Variants in NSMF observed in about 807,000 individuals in gnomAD.
NSMF encodes the protein nasal embryonic LHRH factor.
Under a neutral mutation model 71.0 loss-of-function variants are expected in NSMF, and 31 were observed. The ratio of observed to expected loss-of-function variants is 0.44; its 90% CI spans 0.33 to 0.59. NSMF has a LOEUF of 0.59. Among genes scored for constraint, NSMF ranks in the 20% least tolerant of loss-of-function variants. The pLI is 0.04. For synonymous variants in NSMF, 345 were observed against 287.1 expected, an observed-to-expected ratio of 1.20 and a Z score of -2.04; for missense variants, 673 against 740.5, an observed-to-expected ratio of 0.91 and a Z score of 1.06.
In NSMF at chr9:137,456,555, G is replaced by A; in HGVS notation, c.629-69C>T. On this transcript the variant is annotated intron_variant, in intron 3 of 15. Transcript: ENST00000371475. ...TCCTGAAGCCTCTCCCTCCCTGTTG[G>A]GAAGCAGATGCTTCTGGGTCCAGGG... is the stretch of plus-strand genomic sequence containing the variant. The A allele has an allele frequency of 5.5e-6, 6 of 1,092,768 alleles. No homozygotes were observed. The Middle Eastern group carries it at 6.0e-4, about 109-fold the overall frequency. The allele number at this position is 1,092,768 out of a possible 1,614,324, so 67.7% of individuals were successfully genotyped here.
At chr9:137,456,539 C>T in intron 3 of NSMF, 53 bp from the exon 4 acceptor site, 1 of 1,234,652 alleles carries the variant, frequency 8.1e-7, no homozygotes, top group African/African-American at 1.5e-5. Context: ...TTCCTGAAGC[C>T]TCTCCCTCCC....
rs1830828934 is a variant in NSMF at position 137,456,254 on chromosome 9, C to G, written c.704+157G>C. 2.4e-5 allele frequency: 18 copies of G among 742,772 alleles called. No homozygotes were observed. The South Asian group carries it at 2.5e-4, about 10-fold the overall frequency. 46.0% of individuals were successfully genotyped at this position (742,772 alleles called of 1,614,324 possible). A position where few individuals can be genotyped will look rare whatever the true frequency, so the allele number is the denominator to read the frequency against. The stretch of plus-strand genomic sequence containing the variant: ...GCCATGGGAGGGGAAGAGCAGTCAG[C>G]CCTGGCCTCCCTGGCAGGCCTGGCA... On this transcript the variant is annotated intron_variant, in intron 4 of 15. Transcript: ENST00000371475.
At chr9:137,452,627 G>T in intron 10 of NSMF, 41 bp from the exon 11 acceptor site, 1 of 1,612,126 alleles carries the variant, frequency 6.2e-7, no homozygotes, top group Non-Finnish European at 8.5e-7. Context: ...TCAAGGCTGC[G>T]TCAGAGCCAG....
chr9:137,452,566 G>A lies in NSMF; in HGVS notation c.1152C>T (p.Phe384=), dbSNP rs1232476748. The change falls in exon 11 of 16, where the codon TTC becomes TTT. Residue 384 remains phenylalanine (F), a synonymous_variant. Transcript: ENST00000371475. The part of the protein sequence containing the change: ...PILYDHEHAT[F]EDILEEIERK... Reference sequence around the variant, plus strand: ...TGAGGCACATACCAAGGATGTCCTCGAAGGTTGCGTGCTCATGGTCCTGGG... The same window carrying A: ...TGAGGCACATACCAAGGATGTCCTCAAAGGTTGCGTGCTCATGGTCCTGGG... 1.9e-6 allele frequency: 3 copies of A among 1,612,540 alleles called. No individual in the cohort carries two copies. Among genetic ancestry groups the A allele is most frequent in the Non-Finnish European group, 2.5e-6 (3 of 1,179,972 alleles).
intron 1 of NSMF, 123 bp downstream of exon 1, chr9:137,458,909 G>C: frequency 1.4e-6 from 1 of 736,854 alleles, no homozygotes; most frequent in Non-Finnish European, 2.0e-6. Flanking sequence ...GGGGCGCGGG[G>C]AGGGCGCCTC....
chr9:137,453,651 C>A lies in NSMF; in HGVS notation c.922+80G>T, dbSNP rs879107149. On this transcript the variant is annotated intron_variant, in intron 8 of 15. Transcript: ENST00000371475. The surrounding 1 kb of genome is among the most constrained non-coding windows in gnomAD (Gnocchi z 4.5). ...AGTGCAAAAGCGCAGCCCAGCGGCC[C>A]TGGCAGGGGACCCCCAGCAGGGGTC... is the stretch of plus-strand genomic sequence containing the variant. The A allele has an allele frequency of 3.8e-5, 44 of 1,162,770 alleles. No individual in the cohort carries two copies. The South Asian group carries it at 5.6e-4, about 15-fold the overall frequency. 72.0% of individuals were successfully genotyped at this position (1,162,770 alleles called of 1,614,324 possible). A position where few individuals can be genotyped will look rare whatever the true frequency, so the allele number is the denominator to read the frequency against.
chr9:137,458,669 G>T, intron 1 of NSMF, 120 bp from the exon 2 acceptor site: 1 of 1,006,264 alleles, frequency 9.9e-7, no homozygotes, highest in Non-Finnish European at 1.5e-6. Flanking sequence ...GGAGGGTCGG[G>T]GTCGTCCCCC....
In NSMF at chr9:137,449,158, G is replaced by GCATC. The variant is rs1839766010; in HGVS notation, c.*232_*235dup. The stretch of plus-strand genomic sequence containing the variant: ...TGGCAGGTCAGTGCCTGGCCGCTGA[G>GCATC]CATCCACGGGCCACAGGGCGGGATC... On this transcript the variant is annotated 3_prime_UTR_variant, in exon 16 of 16. Coordinates refer to ENST00000371475, the MANE Select transcript of NSMF (RefSeq NM_001130969.3). 7 of 589,682 alleles carry GCATC rather than the reference G, an allele frequency of 1.2e-5. No individual in the cohort carries two copies. The highest frequency in any genetic ancestry group is 3.7e-5 in the African/African-American group (2 of 53,616). The allele number at this position is 589,682 out of a possible 1,614,324, so 36.5% of individuals were successfully genotyped here. A position where few individuals can be genotyped will look rare whatever the true frequency, so the allele number is the denominator to read the frequency against.
Position 137,453,531 on chromosome 9 carries a change from C to A in NSMF, c.922+200G>T, listed in dbSNP as rs1212654681. 5 of 608,724 alleles carry A rather than the reference C, an allele frequency of 8.2e-6. No individual in the cohort carries two copies. The highest frequency in any genetic ancestry group is 1.4e-5 in the Non-Finnish European group (5 of 347,820). 37.7% of individuals were successfully genotyped at this position (608,724 alleles called of 1,614,324 possible). ...GTGGGCACGGCCCTACAGGCGCCCCCGGCCAGCACTGCCGCGGCCGTTGTT... is the reference window on the plus strand; with the variant it reads ...GTGGGCACGGCCCTACAGGCGCCCCAGGCCAGCACTGCCGCGGCCGTTGTT... On this transcript the variant is annotated intron_variant, in intron 8 of 15. Transcript: ENST00000371475. The surrounding 1 kb of genome is among the most constrained non-coding windows in gnomAD (Gnocchi z 4.5).
intron 6 of NSMF, 56 bp from the exon 7 acceptor site, chr9:137,454,499 G>T: frequency 6.5e-7 from 1 of 1,549,170 alleles, no homozygotes; most frequent in Non-Finnish European, 8.7e-7. Context: ...GGCAGCCCCT[G>T]CCCACCTAGC....
rs1323743319 is a variant in NSMF at position 137,459,114 on chromosome 9, C to T, written c.-12G>A. ...GCGGCGGCGCCCATGGTCGAGGCGGCGGCGCATCCCCCGGGCCTCAGAGCG... is the reference window on the plus strand; with the variant it reads ...GCGGCGGCGCCCATGGTCGAGGCGGTGGCGCATCCCCCGGGCCTCAGAGCG... On this transcript the variant is annotated 5_prime_UTR_variant, in exon 1 of 16. Coordinates refer to ENST00000371475, the MANE Select transcript of NSMF (RefSeq NM_001130969.3). 8.5e-7 allele frequency: 1 copy of T among 1,178,836 alleles called. No individual in the cohort carries two copies. Among genetic ancestry groups the T allele is most frequent in the Non-Finnish European group, 1.1e-6 (1 of 950,996 alleles). 73.0% of individuals were successfully genotyped at this position (1,178,836 alleles called of 1,614,324 possible).
rs199974946 is a variant in NSMF, at chr9:137,450,190, T to C, written c.1302A>G (p.Glu434=). Residue 434 remains glutamate, a synonymous_variant, in exon 13 of 16, where the codon GAA becomes GAG. Transcript: ENST00000371475. ...KVATFAKVEK[E]EDMIHFWKRL... Reference sequence around the variant, plus strand: ...CGGCTTCTCACTGAATCATGTCCTCTTCCTTCTCCACTTTGGCAAAGGTGG... The same window carrying C: ...CGGCTTCTCACTGAATCATGTCCTCCTCCTTCTCCACTTTGGCAAAGGTGG... The C allele has an allele frequency of 6.2e-7, 1 of 1,613,414 alleles. No individual in the cohort carries two copies. Among genetic ancestry groups the C allele is most frequent in the Non-Finnish European group, 8.5e-7 (1 of 1,179,848 alleles).
At position 137,453,790 on chromosome 9, in the gene NSMF, CT is replaced by C; in HGVS notation, c.862del (p.Ser288AlafsTer10). 2 of 1,599,048 alleles carry C rather than the reference CT, an allele frequency of 1.3e-6. No homozygotes were observed. The highest frequency in any genetic ancestry group is 1.7e-6 in the Non-Finnish European group (2 of 1,178,054). Reference sequence around the variant, plus strand: ...GGGGGTGGGGTCGCTCCAGGACCGGCTGAAGCTCCGCTCGCGCCGCTCAGCG... The same window carrying C: ...GGGGGTGGGGTCGCTCCAGGACCGGCGAAGCTCCGCTCGCGCCGCTCAGCG... ...TFAERRERSFSRSWSDPTPMK... is the reference protein window; with the variant it reads ...TFAERRERSFXRSWSDPTPMK... On this transcript the variant is annotated frameshift_variant, in exon 8 of 16. Transcript: ENST00000371475. LOFTEE classifies it high-confidence loss of function. This position sits in a 1 kb window ranked among gnomAD's most constrained non-coding sequence, Gnocchi z 4.5.
At chr9:137,456,369 G>C in intron 4 of NSMF, 42 bp downstream of exon 4, 1 of 1,494,880 alleles carries the variant, frequency 6.7e-7, no homozygotes, top group Non-Finnish European at 9.3e-7. Context: ...AGCAGAAAGA[G>C]ACCACCCAAC....
At position 137,453,325 on chromosome 9, in the gene NSMF, C is replaced by A. The variant is rs1004683524; in HGVS notation, c.923-145G>T. ...GGACCATACAGAGGTCGCCGCCAGCCCGGCAGGACAGGCCTGTGGACACCA... is the reference window on the plus strand; with the variant it reads ...GGACCATACAGAGGTCGCCGCCAGCACGGCAGGACAGGCCTGTGGACACCA... On this transcript the variant is annotated intron_variant, in intron 8 of 15. Transcript: ENST00000371475. This position sits in a 1 kb window ranked among gnomAD's most constrained non-coding sequence, Gnocchi z 4.5. 4.3e-6 allele frequency: 5 copies of A among 1,173,736 alleles called. No individual in the cohort carries two copies. The highest frequency in any genetic ancestry group is 4.8e-6 in the Non-Finnish European group (4 of 825,512). 72.7% of individuals were successfully genotyped at this position (1,173,736 alleles called of 1,614,324 possible).
chr9:137,455,399 G>T, intron 5 of NSMF, 92 bp from the exon 6 acceptor site: 1 of 1,434,798 alleles, frequency 7.0e-7, no homozygotes, highest in Non-Finnish European at 9.8e-7. Flanking sequence ...GGCCCAGCAG[G>T]GCGTCTGGGG....
At position 137,457,497 on chromosome 9, in the gene NSMF, G is replaced by A. The variant is rs754571261; in HGVS notation, c.538C>T (p.Arg180Trp). Residue 180 changes from arginine (R) to tryptophan (W), a missense_variant, in exon 3 of 16, where the codon CGG becomes TGG. Arg to Trp is a moderately radical substitution (Grantham distance 101). Coordinates refer to ENST00000371475, the MANE Select transcript of NSMF (RefSeq NM_001130969.3). Reference protein sequence around the residue: ...CAQLAPGPTPRAFGLDQPPLP... With the variant: ...CAQLAPGPTPWAFGLDQPPLP... ...GGTGGCTGGTCCAGCCCAAAGGCCC[G>A]AGGGGTGGGGCCAGGAGCCAGCTGG... The A allele has an allele frequency of 3.1e-6, 5 of 1,612,072 alleles. No homozygotes were observed. The highest frequency in any genetic ancestry group is 3.4e-6 in the Non-Finnish European group (4 of 1,179,674).
intron 1 of NSMF, 64 bp from the exon 2 acceptor site, chr9:137,458,613 C>A (rs1830992883): frequency 1.4e-6 from 2 of 1,475,562 alleles, no homozygotes; most frequent in African/African-American, 1.4e-5. Context: ...CCGGGCCGCG[C>A]AAGAGCCGGG....
Position 137,453,203 on chromosome 9 carries a change from G to A in NSMF, c.923-23C>T, listed in dbSNP as rs758638334. ...TGCCTGGGAAGCAAGAGGGTCACCA[G>A]GACAGCAGGCCCGGCAGCACCTCCT... On this transcript the variant is annotated intron_variant, in intron 8 of 15. Coordinates refer to ENST00000371475, the MANE Select transcript of NSMF (RefSeq NM_001130969.3). This position sits in a 1 kb window ranked among gnomAD's most constrained non-coding sequence, Gnocchi z 4.5. The A allele has an allele frequency of 1.3e-5, 21 of 1,611,852 alleles. No homozygotes were observed. Among genetic ancestry groups the A allele is most frequent in the Middle Eastern group, 3.3e-4 (2 of 6,070 alleles).
Sources: allele counts gnomAD v4.1 joint callset, GRCh38; gene constraint gnomAD v4.1.1; non-coding constraint Gnocchi (gnomAD v3.1); transcripts MANE v1.5; gene names NCBI Gene and HGNC (gene_info 2026-07-23, HGNC 2026-07-21).